Variants in CDH23 observed in about 807,000 individuals in gnomAD.
The protein encoded by CDH23 is cadherin-23.
In CDH23, 189 loss-of-function variants were observed where a neutral mutation model predicts 317.1. The ratio of observed to expected loss-of-function variants is 0.60; its 90% CI spans 0.53 to 0.67. The LOEUF is 0.67. Among genes scored for constraint, CDH23 ranks in the 30% least tolerant of loss-of-function variants. The pLI is 0.00. For missense variants in CDH23, 4,401 were observed against 4,592.4 expected (o/e 0.96, Z 1.20); for synonymous variants, 1,839 against 1,876.8 (o/e 0.98, Z 0.52).
At chr10:71,683,174 G>A (rs1864725056) in intron 18 of CDH23, among the ~76,000 whole-genome samples, 1 of 152,232 alleles carries the variant, frequency 6.6e-6, no homozygotes, top group African/African-American at 2.4e-5. Flanking sequence ...GATGCAGAGA[G>A]TGGTATGACA....
intron 3 of CDH23, among the ~76,000 whole-genome samples, chr10:71,450,456 C>T (rs1473643876): frequency 6.6e-6 from 1 of 151,932 alleles, no homozygotes; most frequent in Non-Finnish European, 1.5e-5. Flanking sequence ...TTAGTAGAGA[C>T]GGGGTTTCAC....
At chr10:71,586,456 A>G (rs1241403612) in intron 9 of CDH23, among the ~76,000 whole-genome samples, 4 of 152,126 alleles carry the variant, frequency 2.6e-5, no homozygotes, top group Admixed American at 6.5e-5. Flanking sequence ...TCGGCTCACG[A>G]TTAACATTGG....
At chr10:71,400,935 G>A (rs988232160) in intron 1 of CDH23, among the ~76,000 whole-genome samples, 1 of 152,142 alleles carries the variant, frequency 6.6e-6, no homozygotes, top group Non-Finnish European at 1.5e-5. Context: ...TGAACTCATT[G>A]TTTTCAAATT....
At chr10:71,509,770 A>G (rs1853849117) in intron 3 of CDH23, 1 of 378,394 alleles carries the variant, frequency 2.6e-6, no homozygotes, top group Non-Finnish European at 5.0e-6. Context: ...CCACTTGGAG[A>G]AGGAGGTCTT....
chr10:71,773,539 G>A (rs1433265376), intron 38 of CDH23: 3 of 1,193,292 alleles, frequency 2.5e-6, no homozygotes, highest in East Asian at 2.8e-5. Context: ...GCGAGTGAGC[G>A]CTGCGGGCGG....
intron 1 of CDH23, among the ~76,000 whole-genome samples, chr10:71,435,816 TC>T (rs1163309040): frequency 2.0e-5 from 3 of 152,320 alleles, no homozygotes; most frequent in Non-Finnish European, 4.4e-5. Context: ...GGTCAGGCTC[TC>T]CCTGGGGACC....
In CDH23 at chr10:71,476,831, C is replaced by T. The variant is rs1851818173; in HGVS notation, c.145+30436C>T. On this transcript the variant is annotated intron_variant, in intron 3 of 69. Coordinates refer to ENST00000224721, the MANE Select transcript of CDH23 (RefSeq NM_022124.6). Reference sequence around the variant, plus strand: ...TGACCTGCTCCCTCCTGCTCCCAGCCGGACACGCCTCCTCTCATGGCTCTT... The same window carrying T: ...TGACCTGCTCCCTCCTGCTCCCAGCTGGACACGCCTCCTCTCATGGCTCTT... 2.6e-5 allele frequency among the ~76,000 whole-genome samples: 4 copies of T among 152,266 alleles called. No individual in the cohort carries two copies. The South Asian group carries it at 6.2e-4, about 24-fold the overall frequency.
chr10:71,466,277 T>G (rs1015693082), intron 3 of CDH23, among the ~76,000 whole-genome samples: 3 of 152,238 alleles, frequency 2.0e-5, no homozygotes, highest in Admixed American at 6.5e-5. Context: ...TGCCCACATA[T>G]GTGAACGTGT....
chr10:71,757,953 TCTCATTCCCCTAC>T (rs1840192628), intron 38 of CDH23, among the ~76,000 whole-genome samples: 1 of 152,162 alleles, frequency 6.6e-6, no homozygotes, highest in Non-Finnish European at 1.5e-5. Flanking sequence ...ACTTCTCTAG[TCTCATTCCCCTAC>T]CTCAGGTTAA....
intron 3 of CDH23, among the ~76,000 whole-genome samples, chr10:71,482,601 C>T (rs1325480583): frequency 6.6e-6 from 1 of 152,326 alleles, no homozygotes; most frequent in Non-Finnish European, 1.5e-5. Context: ...TCAGGACCAC[C>T]TGTGGGGGCA....
chr10:71,786,415 C>T (rs1466809418), intron 44 of CDH23, among the ~76,000 whole-genome samples: 1 of 151,820 alleles, frequency 6.6e-6, no homozygotes, highest in South Asian at 2.1e-4. Context: ...TCGGTCTAGC[C>T]AGAGGAGACG....
chr10:71,566,835 T>A lies in CDH23; in HGVS notation c.523T>A (p.Ser175Thr). ...CGTCCTCTACTCCTTCCAGCCCCCC[T>A]CCCAATTCTTCGCCATTGACAGCGC... ...GSVLYSFQPPSQFFAIDSARG... is the reference protein window; with the variant it reads ...GSVLYSFQPPTQFFAIDSARG... The change falls in exon 7 of 70, where the codon TCC (serine) becomes ACC (threonine). Residue 175 changes from serine to threonine, a missense_variant. Ser to Thr is a moderately conservative substitution (Grantham distance 58, BLOSUM62 1). Coordinates refer to ENST00000224721, the MANE Select transcript of CDH23 (RefSeq NM_022124.6). 2 of 1,613,896 alleles carry A rather than the reference T, an allele frequency of 1.2e-6. No individual in the cohort carries two copies. Among genetic ancestry groups the A allele is most frequent in the Non-Finnish European group, 1.7e-6 (2 of 1,179,862 alleles).
rs553544669 is a variant in CDH23, at chr10:71,725,431, C to T, written c.3490C>T (p.Arg1164Trp). The change falls in exon 30 of 70, where the codon CGG (arginine) becomes TGG (tryptophan). Residue 1164 changes from arginine (R) to tryptophan (W), a missense_variant. Transcript: ENST00000224721. ...VSNGLLMRGP[R>W]PLDRERNSSH... is the part of the protein sequence containing the mutation. ...CAATGGGCTCCTGATGCGAGGGCCC[C>T]GGCCCCTGGACCGGGAGCGGAACTC... 5.0e-6 allele frequency: 8 copies of T among 1,614,034 alleles called. No individual in the cohort carries two copies. The highest frequency in any genetic ancestry group is 3.3e-5 in the South Asian group (3 of 91,080).
chr10:71,761,482 T>G (rs1840382651), intron 38 of CDH23: 1 of 1,217,014 alleles, frequency 8.2e-7, no homozygotes, highest in South Asian at 1.6e-5. Flanking sequence ...CTCCCTGGAG[T>G]GCCAGTGTTA....
At chr10:71,590,903 A>AAAAAAC (rs1859449870) in intron 9 of CDH23, among the ~76,000 whole-genome samples, 1 of 149,182 alleles carries the variant, frequency 6.7e-6, no homozygotes, top group African/African-American at 2.5e-5. Context: ...AAAACAAAAA[A>AAAAAAC]AAACACCAGT....
chr10:71,814,647 C>T (rs530071148), intron 69 of CDH23, among the ~76,000 whole-genome samples: 4 of 149,562 alleles, frequency 2.7e-5, no homozygotes, highest in African/African-American at 7.4e-5. Flanking sequence ...CACACACATA[C>T]ACACACACAC....
chr10:71,781,612 G>A (rs970263902), intron 41 of CDH23, among the ~76,000 whole-genome samples: 6 of 152,188 alleles, frequency 3.9e-5, no homozygotes, highest in South Asian at 2.1e-4. Context: ...AGCCACAAGC[G>A]AAACTTCCTG....
chr10:71,602,000 G>T (rs1051225492), intron 9 of CDH23, among the ~76,000 whole-genome samples: 1 of 151,452 alleles, frequency 6.6e-6, no homozygotes, highest in Non-Finnish European at 1.5e-5. Flanking sequence ...ACCCCTCAAG[G>T]TCGGTCATTC....
At chr10:71,738,673 G>T (rs1381058128) in intron 35 of CDH23, 26 bp downstream of exon 35, 2 of 1,608,168 alleles carry the variant, frequency 1.2e-6, no homozygotes, top group Admixed American at 1.7e-5. Context: ...AAACAGCCAG[G>T]ATCCACCATG....
Sources: gnomAD v4.1 joint callset for allele counts (sites outside exome capture counted in the v4.1 genomes callset) on GRCh38, gnomAD v4.1.1 for gene constraint, MANE v1.5 for transcripts, NCBI Gene and HGNC (gene_info 2026-07-23, HGNC 2026-07-21) for gene names.